ZNF475: variants seen among roughly 807,000 people sequenced by gnomAD.
ZNF475 encodes the protein zinc finger protein 475.
the ZNF475 span, among the ~76,000 whole-genome samples, chr5:122,166,334 T>A: frequency 6.6e-6 from 1 of 152,224 alleles, no homozygotes; most frequent in Non-Finnish European, 1.5e-5. Flanking sequence ...AAGAAACTGG[T>A]CAGTTATGTT....
chr5:122,168,311 G>T, the ZNF475 span, among the ~76,000 whole-genome samples: 1 of 151,904 alleles, frequency 6.6e-6, no homozygotes, highest in Non-Finnish European at 1.5e-5. Flanking sequence ...CCCCTGGGAT[G>T]ACAGGCGTGA....
At chr5:122,160,924 C>T in the ZNF475 span, among the ~76,000 whole-genome samples, 1 of 152,286 alleles carries the variant, frequency 6.6e-6, no homozygotes, top group East Asian at 1.9e-4. Flanking sequence ...CCAAGGTCAA[C>T]AACTACAATC....
chr5:122,180,036 T>C, the ZNF475 span: 4 of 171,738 alleles, frequency 2.3e-5, no homozygotes, highest in Non-Finnish European at 4.9e-5. Flanking sequence ...AAATAAATAA[T>C]AAAATACTTA....
At chr5:122,160,982 G>A in the ZNF475 span, among the ~76,000 whole-genome samples, 2 of 152,172 alleles carry the variant, frequency 1.3e-5, no homozygotes, top group East Asian at 1.9e-4. Flanking sequence ...AACGCAATCT[G>A]TAAGGAGTCC....
chr5:122,175,615 T>A, the ZNF475 span, among the ~76,000 whole-genome samples: 1 of 152,214 alleles, frequency 6.6e-6, no homozygotes. Flanking sequence ...GATCACTTTA[T>A]CTCATACTTA....
chr5:122,161,083 G>A, the ZNF475 span, among the ~76,000 whole-genome samples: 1 of 152,216 alleles, frequency 6.6e-6, no homozygotes, highest in African/African-American at 2.4e-5. Context: ...GGGGAATTGA[G>A]AGAACTTTAC....
chr5:122,168,299 C>A, the ZNF475 span, among the ~76,000 whole-genome samples: 6 of 152,188 alleles, frequency 3.9e-5, no homozygotes, highest in African/African-American at 1.4e-4. Flanking sequence ...CCGCCTCGGC[C>A]TCCCCTGGGA....
chr5:122,173,230 T>C, the ZNF475 span, among the ~76,000 whole-genome samples: 1 of 152,220 alleles, frequency 6.6e-6, no homozygotes, highest in Non-Finnish European at 1.5e-5. Flanking sequence ...AGTTATTGAG[T>C]TGTGTATTTC....
chr5:122,162,243 C>T, the ZNF475 span: 1 of 152,174 alleles, frequency 6.6e-6, no homozygotes, highest in African/African-American at 2.4e-5. Flanking sequence ...CAAAAGAAAA[C>T]TCCAAATCAC....
chr5:122,179,570 A>G, the ZNF475 span: 1 of 1,519,338 alleles, frequency 6.6e-7, no homozygotes, highest in Admixed American at 2.1e-5. Context: ...TACGGCGTCC[A>G]CCAGCAGTTG....
chr5:122,182,620 G>T, the ZNF475 span: 1 of 1,535,072 alleles, frequency 6.5e-7, no homozygotes, highest in Non-Finnish European at 8.7e-7. Flanking sequence ...CAACGATCTT[G>T]TAAACCCAAA....
the ZNF475 span, among the ~76,000 whole-genome samples, chr5:122,170,813 T>TG: frequency 6.6e-6 from 1 of 152,192 alleles, no homozygotes; most frequent in African/African-American, 2.4e-5. Flanking sequence ...TAAAGCTGTC[T>TG]GGGCGGTCCT....
chr5:122,180,417 TAATC>T, the ZNF475 span, among the ~76,000 whole-genome samples: 2 of 152,240 alleles, frequency 1.3e-5, no homozygotes, highest in Admixed American at 1.3e-4. Context: ...TTTTCACATT[TAATC>T]ATTTGTAAAG....
the ZNF475 span, chr5:122,179,668 A>G: frequency 1.3e-6 from 2 of 1,535,132 alleles, no homozygotes; most frequent in African/African-American, 1.4e-5. Context: ...AATGAAAACA[A>G]CTTGTTGCCT....
chr5:122,160,635 C>T, the ZNF475 span, among the ~76,000 whole-genome samples: 1 of 152,166 alleles, frequency 6.6e-6, no homozygotes, highest in Non-Finnish European at 1.5e-5. Context: ...CTTTCTGCTT[C>T]TCTAGAAAGA....
chr5:122,178,592 T>C, the ZNF475 span, among the ~76,000 whole-genome samples: 1 of 152,278 alleles, frequency 6.6e-6, no homozygotes, highest in Non-Finnish European at 1.5e-5. Context: ...GCTTGTTTTT[T>C]TCTTGTGAAG....
chr5:122,182,065 G>A, the ZNF475 span, among the ~76,000 whole-genome samples: 929 of 152,232 alleles, frequency 6.1e-3, 3 homozygotes, highest in Non-Finnish European at 8.6e-3. Context: ...AGGAAAATAC[G>A]AATACATGCT....
the ZNF475 span, among the ~76,000 whole-genome samples, chr5:122,168,330 A>T: frequency 2.8e-4 from 39 of 140,406 alleles, no homozygotes. Context: ...GAGCCACTAC[A>T]CCTGGCCACA....
the ZNF475 span, among the ~76,000 whole-genome samples, chr5:122,176,269 C>T: frequency 1.3e-5 from 2 of 151,998 alleles, no homozygotes; most frequent in Non-Finnish European, 2.9e-5. Context: ...TTACATACTC[C>T]TATCTATAGA....
Sources: gnomAD v4.1 joint callset for allele counts (sites outside exome capture counted in the v4.1 genomes callset) on GRCh38, gnomAD v4.1.1 for gene constraint, MANE v1.5 for transcripts, NCBI Gene and HGNC (gene_info 2026-07-23, HGNC 2026-07-21) for gene names.